The following TENM2 variants were observed in gnomAD, a reference collection of about 807,000 sequenced individuals.
TENM2 encodes teneurin-2.
TENM2 carries 52 observed loss-of-function variants against 245.2 expected under a neutral mutation model. The observed-to-expected ratio is 0.21, with a 90% CI of 0.17 to 0.27. TENM2 has a LOEUF of 0.27. TENM2 is among the 10% of genes least tolerant of loss of function. The pLI, the probability that TENM2 is intolerant of heterozygous loss-of-function variation, is 1.00. For missense variants in TENM2, 3,046 were observed against 3,666.8 expected, an observed-to-expected ratio of 0.83 and a Z score of 4.37; for synonymous variants, 1,363 against 1,438.9, an observed-to-expected ratio of 0.95 and a Z score of 1.19.
intron 5 of TENM2, among the ~76,000 whole-genome samples, chr5:168,035,898 G>A (rs142831375): frequency 7.9e-5 from 12 of 152,300 alleles, no homozygotes; most frequent in African/African-American, 2.4e-4. Context: ...TAACTGCCTC[G>A]TGAGTGTCCT....
chr5:167,532,307 C>CTCTT (rs1554170472), intron 2 of TENM2, among the ~76,000 whole-genome samples: 6 of 151,530 alleles, frequency 4.0e-5, no homozygotes, highest in African/African-American at 1.5e-4. Flanking sequence ...CTCTCTCTCT[C>CTCTT]TTTTTATATA....
the TENM2 span, among the ~76,000 whole-genome samples, chr5:167,187,431 G>A: frequency 6.6e-6 from 1 of 152,154 alleles, no homozygotes; most frequent in Admixed American, 6.5e-5. Context: ...TTCGCTTGCA[G>A]TTATATGAGA....
At chr5:167,896,273 G>A (rs186783106) in intron 3 of TENM2, among the ~76,000 whole-genome samples, 7 of 152,322 alleles carry the variant, frequency 4.6e-5, no homozygotes, top group East Asian at 3.9e-4. Context: ...TTGGAGAGAC[G>A]AGAAAACATG....
intron 12 of TENM2, among the ~76,000 whole-genome samples, chr5:168,149,173 G>A (rs539673686): frequency 3.3e-5 from 5 of 152,248 alleles, no homozygotes; most frequent in Middle Eastern, 3.4e-3. Context: ...TTCATATGAG[G>A]TTGTCTGCCC....
rs577984293 is a variant in TENM2, at chr5:168,159,121, G to A, written c.2423-3490G>A. On this transcript the variant is annotated intron_variant, in intron 12 of 28. Transcript: ENST00000518659. ...ATTGCGCCACTGCACTCCAGCCTGGGCAACACAGTGAGACTCCGTCTCAAA... is the reference window on the plus strand; with the variant it reads ...ATTGCGCCACTGCACTCCAGCCTGGACAACACAGTGAGACTCCGTCTCAAA... Among the ~76,000 whole-genome samples the A allele has an allele frequency of 9.2e-5, 14 of 151,522 alleles. 1 individual carries two copies. Among genetic ancestry groups the A allele is most frequent in the East Asian group, 5.9e-4 (3 of 5,096 alleles).
At chr5:167,574,285 T>C (rs1774489222) in intron 2 of TENM2, among the ~76,000 whole-genome samples, 1 of 152,194 alleles carries the variant, frequency 6.6e-6, no homozygotes, top group Admixed American at 6.5e-5. Flanking sequence ...AGAAAGATGA[T>C]TTTGATCAGA....
At chr5:167,600,915 T>C (rs1454028666) in intron 2 of TENM2, among the ~76,000 whole-genome samples, 1 of 152,264 alleles carries the variant, frequency 6.6e-6, no homozygotes, top group African/African-American at 2.4e-5. Context: ...TTTTCATTAG[T>C]CCTTAAACAT....
intron 2 of TENM2, among the ~76,000 whole-genome samples, chr5:167,410,803 T>C (rs901077089): frequency 2.6e-5 from 4 of 152,030 alleles, no homozygotes; most frequent in African/African-American, 9.7e-5. Context: ...AGAAGAGAGT[T>C]CATATACTTT....
intron 10 of TENM2, among the ~76,000 whole-genome samples, chr5:168,122,765 G>A (rs1224920155): frequency 6.6e-6 from 1 of 151,928 alleles, no homozygotes; most frequent in African/African-American, 2.4e-5. Flanking sequence ...GTTTTGAAAT[G>A]ACTTCCATAT....
At chr5:167,455,284 A>G (rs909283943) in intron 2 of TENM2, among the ~76,000 whole-genome samples, 2 of 152,204 alleles carry the variant, frequency 1.3e-5, no homozygotes, top group Admixed American at 1.3e-4. Context: ...ACAGTTCATC[A>G]TTTGGATTTT....
chr5:166,991,232 G>A, the TENM2 span, among the ~76,000 whole-genome samples: 1 of 149,064 alleles, frequency 6.7e-6, no homozygotes, highest in Non-Finnish European at 1.5e-5. Flanking sequence ...GATTCTGTGA[G>A]TTTGTATCTC....
the TENM2 span, chr5:167,119,372 T>A: frequency 9.0e-4 from 137 of 152,324 alleles, no homozygotes; most frequent in African/African-American, 3.2e-3. Flanking sequence ...GGTCACATTT[T>A]AAAAATTTAC....
intron 3 of TENM2, among the ~76,000 whole-genome samples, chr5:167,904,732 AT>A (rs143319962): frequency 0.013 from 1,949 of 152,268 alleles, 45 homozygotes; most frequent in African/African-American, 0.044. Flanking sequence ...TGTATAAAAC[AT>A]TTTTTAACTC....
chr5:167,666,522 T>TA (rs1276519769), intron 2 of TENM2, among the ~76,000 whole-genome samples: 2 of 152,134 alleles, frequency 1.3e-5, no homozygotes, highest in South Asian at 2.1e-4. Context: ...TGTGCTAAGT[T>TA]AAAAAATCTC....
chr5:167,095,729 A>G, the TENM2 span, among the ~76,000 whole-genome samples: 2 of 152,020 alleles, frequency 1.3e-5, no homozygotes, highest in Non-Finnish European at 2.9e-5. Context: ...CCACTACTCA[A>G]AACAAGATAC....
the TENM2 span, among the ~76,000 whole-genome samples, chr5:167,273,006 T>C: frequency 1.3e-5 from 2 of 151,930 alleles, no homozygotes; most frequent in African/African-American, 4.8e-5. Flanking sequence ...ATATATACAA[T>C]AGCACACACA....
At chr5:167,403,957 CTTT>C (rs1274044564) in intron 2 of TENM2, among the ~76,000 whole-genome samples, 1 of 146,402 alleles carries the variant, frequency 6.8e-6, no homozygotes, top group African/African-American at 2.5e-5. Context: ...TCTTTTTCTT[CTTT>C]AAGTGATATA....
At chr5:167,397,090 G>A (rs1762094817) in intron 2 of TENM2, among the ~76,000 whole-genome samples, 1 of 152,096 alleles carries the variant, frequency 6.6e-6, no homozygotes, top group African/African-American at 2.4e-5. Context: ...AGTGCAGAGA[G>A]AAAGAAGAAA....
At chr5:167,776,593 G>GGAAAAAAAAAAAAAAAAAA (rs1437587032) in intron 2 of TENM2, among the ~76,000 whole-genome samples, 1 of 36,020 alleles carries the variant, frequency 2.8e-5, no homozygotes, top group Non-Finnish European at 5.6e-5. Flanking sequence ...GACCCTGTCT[G>GGAAAAAAAAAAAAAAAAAA]AAAAAAAAAA....
Sources: allele counts gnomAD v4.1 joint callset (sites outside exome capture counted in the v4.1 genomes callset), GRCh38; gene constraint gnomAD v4.1.1; transcripts MANE v1.5; gene names NCBI Gene and HGNC (gene_info 2026-07-23, HGNC 2026-07-21).